The following CABIN1 variants were observed in gnomAD, a reference collection of about 807,000 sequenced individuals.
The protein encoded by CABIN1 is calcineurin-binding protein cabin-1.
Under a neutral mutation model 227.7 loss-of-function variants are expected in CABIN1, and 133 were observed. That is an observed-to-expected ratio of 0.58 (90% CI 0.51 to 0.67). The LOEUF is 0.67. Ranked by LOEUF, CABIN1 falls within the 30% of genes least tolerant of loss-of-function variation. CABIN1 has a pLI of 0.00. For synonymous variants in CABIN1, 1,086 were observed against 1,155.1 expected (o/e 0.94, Z 1.21); for missense variants, 2,408 against 2,852.5 (o/e 0.84, Z 3.55).
chr22:24,169,149 T>C (rs770010580), intron 33 of CABIN1, among the ~76,000 whole-genome samples: 16 of 149,640 alleles, frequency 1.1e-4, no homozygotes, highest in Non-Finnish European at 2.2e-4. Flanking sequence ...AAGCTAGAGG[T>C]GGGAGGGCTG....
intron 15 of CABIN1, among the ~76,000 whole-genome samples, chr22:24,066,218 T>C (rs935345979): frequency 2.6e-5 from 4 of 152,200 alleles, no homozygotes; most frequent in African/African-American, 9.6e-5. Context: ...GCTGCTGTAG[T>C]ACACTGGGAC....
At chr22:24,098,233 C>T (rs746133516) in intron 26 of CABIN1, 41 bp downstream of exon 26, 2 of 1,613,380 alleles carry the variant, frequency 1.2e-6, no homozygotes, top group South Asian at 2.2e-5. Context: ...CAGGGCGGCA[C>T]ATCAATCACG....
chr22:24,035,618 CTTA>C, intron 2 of CABIN1, 98 bp downstream of exon 2: 3 of 1,460,286 alleles, frequency 2.1e-6, no homozygotes, highest in African/African-American at 1.4e-5. Flanking sequence ...TCTGAAGGCT[CTTA>C]TTATGGAGTA....
At chr22:24,117,829 C>A (rs1400126963) in intron 27 of CABIN1, among the ~76,000 whole-genome samples, 1 of 152,242 alleles carries the variant, frequency 6.6e-6, no homozygotes, top group Non-Finnish European at 1.5e-5. Context: ...CTGTCTCCCC[C>A]GTGCCTAGCA....
chr22:24,150,537 G>C (rs894086773), intron 29 of CABIN1, among the ~76,000 whole-genome samples: 1 of 152,196 alleles, frequency 6.6e-6, no homozygotes, highest in Non-Finnish European at 1.5e-5. Context: ...AAACCACCTC[G>C]GGGTGTGGAG....
At chr22:24,091,989 A>G in intron 24 of CABIN1, 146 bp downstream of exon 24, 1 of 887,920 alleles carries the variant, frequency 1.1e-6, no homozygotes, top group Non-Finnish European at 1.7e-6. Flanking sequence ...TGTGCAATTG[A>G]ATTAAAACAT....
intron 6 of CABIN1, among the ~76,000 whole-genome samples, chr22:24,048,231 A>T (rs1489334366): frequency 6.6e-6 from 1 of 152,182 alleles, no homozygotes; most frequent in African/African-American, 2.4e-5. Context: ...AATAAGTTTT[A>T]TGTGTATAAT....
At chr22:24,164,617 A>G (rs2148667776) in intron 30 of CABIN1, 54 bp downstream of exon 30, 3 of 1,579,096 alleles carry the variant, frequency 1.9e-6, no homozygotes, top group South Asian at 1.1e-5. Context: ...TCAGGGGCAC[A>G]CACACCCCAG....
At chr22:24,176,519 A>G (rs548126458) in intron 35 of CABIN1, among the ~76,000 whole-genome samples, 70 of 152,234 alleles carry the variant, frequency 4.6e-4, no homozygotes, top group Non-Finnish European at 7.9e-4. Flanking sequence ...CCAGAGGCTT[A>G]TTCCACCCCT....
intron 7 of CABIN1, among the ~76,000 whole-genome samples, chr22:24,050,141 G>A (rs1197126445): frequency 1.3e-5 from 2 of 152,172 alleles, no homozygotes; most frequent in African/African-American, 2.4e-5. Context: ...TTATCTTGGC[G>A]TCTATCCCCT....
At chr22:24,076,336 T>G in intron 19 of CABIN1, 52 bp downstream of exon 19, 1 of 1,470,354 alleles carries the variant, frequency 6.8e-7, no homozygotes, top group Non-Finnish European at 9.5e-7. Context: ...AGGGCTGGGG[T>G]GGGAGGTGGA....
At chr22:24,120,496 G>GTAGC (rs2147935128) in intron 28 of CABIN1, among the ~76,000 whole-genome samples, 1 of 152,294 alleles carries the variant, frequency 6.6e-6, no homozygotes, top group Non-Finnish European at 1.5e-5. Context: ...CCTGCACCAT[G>GTAGC]TAGCTACATT....
At chr22:24,043,877 C>T (rs190096732) in intron 6 of CABIN1, among the ~76,000 whole-genome samples, 27 of 152,332 alleles carry the variant, frequency 1.8e-4, no homozygotes, top group Non-Finnish European at 3.5e-4. Flanking sequence ...AATTAATGTG[C>T]TTCCAAAATA....
chr22:24,076,089 A>T, intron 18 of CABIN1, 80 bp from the exon 19 acceptor site: 1 of 912,714 alleles, frequency 1.1e-6, no homozygotes, highest in Non-Finnish European at 1.8e-6. Context: ...GCCCGAAAAG[A>T]GGAGACTGAG....
chr22:24,073,326 A>G (rs1288360895), intron 18 of CABIN1, among the ~76,000 whole-genome samples: 1 of 151,966 alleles, frequency 6.6e-6, no homozygotes, highest in Non-Finnish European at 1.5e-5. Context: ...TGCAGTTGTT[A>G]GAATAATATG....
In CABIN1 at chr22:24,076,299, T is replaced by C. The variant is rs754581416; in HGVS notation, c.2748+15T>C. 1.8e-5 allele frequency: 29 copies of C among 1,597,952 alleles called. 1 individual carries two copies. Among genetic ancestry groups the C allele is most frequent in the Middle Eastern group, 1.6e-4 (1 of 6,064 alleles). On this transcript the variant is annotated intron_variant, in intron 19 of 36. Transcript: ENST00000263119. ...TGCGATTCTATGTAAGTGCTTCCCCTTGGGCTGCAGACTGCCAGTGCGGGG... is the reference window on the plus strand; with the variant it reads ...TGCGATTCTATGTAAGTGCTTCCCCCTGGGCTGCAGACTGCCAGTGCGGGG...
intron 28 of CABIN1, among the ~76,000 whole-genome samples, chr22:24,129,098 C>G (rs1338469999): frequency 6.6e-6 from 1 of 152,192 alleles, no homozygotes; most frequent in Admixed American, 6.5e-5. Context: ...TGCCTTACGG[C>G]TTTGCACATC....
intron 26 of CABIN1, among the ~76,000 whole-genome samples, chr22:24,105,190 C>A (rs1045600535): frequency 1.3e-5 from 2 of 152,144 alleles, no homozygotes; most frequent in African/African-American, 4.8e-5. Context: ...AGGTCTCTTT[C>A]CCTCTGCGTT....
chr22:24,042,325 A>G (rs2037440690), intron 5 of CABIN1, among the ~76,000 whole-genome samples: 1 of 152,236 alleles, frequency 6.6e-6, no homozygotes, highest in African/African-American at 2.4e-5. Context: ...TTGACAAAAT[A>G]TATCAAGACA....
Sources: gnomAD v4.1 joint callset for allele counts (sites outside exome capture counted in the v4.1 genomes callset) on GRCh38, gnomAD v4.1.1 for gene constraint, MANE v1.5 for transcripts, NCBI Gene and HGNC (gene_info 2026-07-23, HGNC 2026-07-21) for gene names.